The following SELENOO variants were observed in gnomAD, a reference collection of about 807,000 sequenced individuals.
SELENOO encodes selenoprotein O.
In SELENOO, 74 loss-of-function variants were observed where a neutral mutation model predicts 58.7. That is an observed-to-expected ratio of 1.26 (90% CI 1.04 to 1.53). The LOEUF (loss-of-function observed/expected upper bound fraction) is 1.53, where lower values mean the gene tolerates loss of function less well. SELENOO is among the 40% of genes most tolerant of loss of function. The probability of loss-of-function intolerance (pLI) is 0.00; values close to 1 mark genes in which losing one functional copy is unlikely to be tolerated. For synonymous variants in SELENOO, 543 were observed against 453.2 expected, an observed-to-expected ratio of 1.20 and a Z score of -2.52; for missense variants, 1,149 against 970.0, an observed-to-expected ratio of 1.18 and a Z score of -2.45.
At position 50,201,198 on chromosome 22, in the gene SELENOO, C is replaced by T. The variant is rs1019804445; in HGVS notation, c.162C>T (p.Ala54=). 9.2e-6 allele frequency: 11 copies of T among 1,199,212 alleles called. No individual in the cohort carries two copies. The highest frequency in any genetic ancestry group is 3.5e-5 in the East Asian group (1 of 28,528). 74.3% of individuals were successfully genotyped at this position (1,199,212 alleles called of 1,614,324 possible). The change falls in exon 1 of 9, where the codon GCC becomes GCT. Residue 54 remains alanine, a synonymous_variant. Transcript: ENST00000380903. ...WLAGLRFDNR[A]LRALPVEAPP... is the part of the protein sequence containing the mutation. ...CGGGGCTGCGCTTCGACAACCGCGC[C>T]CTGCGCGCCCTGCCCGTGGAGGCGC... is the stretch of plus-strand genomic sequence containing the variant.
chr22:50,215,662 A>G (rs567960085), intron 5 of SELENOO, 55 bp from the exon 6 acceptor site: 3 of 1,276,502 alleles, frequency 2.4e-6, no homozygotes, highest in African/African-American at 1.5e-5. Context: ...GTGTGGCACC[A>G]GGACAGGGAC....
rs889510951 is a variant in SELENOO, at chr22:50,213,664, T to C, written c.1352-2053T>C. On this transcript the variant is annotated intron_variant, in intron 5 of 8. Coordinates refer to ENST00000380903, the MANE Select transcript of SELENOO (RefSeq NM_031454.2). The stretch of plus-strand genomic sequence containing the variant: ...TCTGTCTGGATGGTTTTTTTGTTTT[T>C]TGAGACGGAGTCTTGCTCTGTCACC... Among the ~76,000 whole-genome samples the C allele has an allele frequency of 3.9e-5, 6 of 152,092 alleles. No homozygotes were observed. The South Asian group carries it at 1.2e-3, about 31-fold the overall frequency.
chr22:50,206,488 GGTTGT>G lies in SELENOO; in HGVS notation c.731_735del (p.Val244AlafsTer13). The G allele has an allele frequency of 1.2e-6, 2 of 1,614,038 alleles. No individual in the cohort carries two copies. Among genetic ancestry groups the G allele is most frequent in the Non-Finnish European group, 1.7e-6 (2 of 1,179,956 alleles). ...GTAATCCCAAATATGAACAATGCACGGTTGTGTTGCGTGTAGCTTCCACTTTCATA... is the reference window on the plus strand; with the variant it reads ...GTAATCCCAAATATGAACAATGCACGGTTGCGTGTAGCTTCCACTTTCATA... On this transcript the variant is annotated frameshift_variant, in exon 2 of 9. Transcript: ENST00000380903. LOFTEE classifies it high-confidence loss of function.
chr22:50,214,854 T>A (rs1332432362), intron 5 of SELENOO, among the ~76,000 whole-genome samples: 6 of 152,220 alleles, frequency 3.9e-5, no homozygotes, highest in Non-Finnish European at 7.3e-5. Context: ...ATCCTTTCAC[T>A]TCCAGCCTGT....
chr22:50,217,124 C>CA lies in SELENOO; in HGVS notation c.1842dup (p.Glu615ArgfsTer41). On this transcript the variant is annotated frameshift_variant, in exon 8 of 9. Transcript: ENST00000380903. LOFTEE classifies it low-confidence loss of function (END_TRUNC). Reference sequence around the variant, plus strand: ...GAGGCTGCCGAGCGCGGGGACTTCTCAGAGGCAAGCACACGCCTGTCCCTG... The same window carrying CA: ...GAGGCTGCCGAGCGCGGGGACTTCTCAAGAGGCAAGCACACGCCTGTCCCTG... 1.9e-6 allele frequency: 3 copies of CA among 1,612,818 alleles called. No homozygotes were observed. Among genetic ancestry groups the CA allele is most frequent in the Non-Finnish European group, 1.7e-6 (2 of 1,179,768 alleles).
chr22:50,208,190 G>A lies in SELENOO; in HGVS notation c.759-346G>A, dbSNP rs979305164. Among the ~76,000 whole-genome samples the A allele has an allele frequency of 2.6e-5, 4 of 152,274 alleles. No homozygotes were observed. The South Asian group carries it at 8.3e-4, about 32-fold the overall frequency. On this transcript the variant is annotated intron_variant, in intron 2 of 8. Transcript: ENST00000380903. ...CTCACGCCTGTAATCCCAGCACTTT[G>A]GGAGGCCGAGGCGGGTGGATCACGA... is the stretch of plus-strand genomic sequence containing the variant.
chr22:50,217,349 T>C lies in SELENOO; in HGVS notation c.1990T>C (p.Cys664Arg), dbSNP rs778019495. 56 of 1,612,670 alleles carry C rather than the reference T, an allele frequency of 3.5e-5. No homozygotes were observed. The highest frequency in any genetic ancestry group is 5.0e-5 in the Admixed American group (3 of 59,914). ...GCCCCCGCTCTGGGCAGCAGAACTG[T>C]GCGTGACATGATCTTCGTAACGGCC... ...SKPPLWAAEL[C>R]VTUSS Residue 664 changes from cysteine to arginine, a missense_variant, in exon 9 of 9, where the codon TGC becomes CGC. Transcript: ENST00000380903.
Position 50,204,098 on chromosome 22 carries a change from G to A in SELENOO, c.555-2219G>A, listed in dbSNP as rs75209016. ...TTTATAACATGAGAAGACGCTCAAC[G>A]TCATCAATCATTAGGGAAATGCAAA... On this transcript the variant is annotated intron_variant, in intron 1 of 8. Transcript: ENST00000380903. Among the ~76,000 whole-genome samples the A allele has an allele frequency of 5.3e-3, 812 of 152,286 alleles. 9 individuals carry two copies. Among genetic ancestry groups the A allele is most frequent in the African/African-American group, 0.018 (750 of 41,552 alleles).
chr22:50,203,656 A>ATCCTCATGCAAAAGAATGAAGCTGGG (rs2064315587), intron 1 of SELENOO, among the ~76,000 whole-genome samples: 2 of 152,230 alleles, frequency 1.3e-5, no homozygotes, highest in African/African-American at 4.8e-5. Context: ...GGAAAACTGG[A>ATCCTCATGCAAAAGAATGAAGCTGGG]TCCTCATGCA....
Position 50,206,017 on chromosome 22 carries a change from C to T in SELENOO, c.555-300C>T, listed in dbSNP as rs558191236. ...AGGCCCTTTGTCCCCACTGTGCAGT[C>T]ACACAGTCCTGGCTTCTGCTGCGGA... On this transcript the variant is annotated intron_variant, in intron 1 of 8. Transcript: ENST00000380903. 12 of 464,134 alleles carry T rather than the reference C, an allele frequency of 2.6e-5. No individual in the cohort carries two copies. In the South Asian group the frequency reaches 2.6e-4, roughly 10 times the overall value. 28.8% of individuals were successfully genotyped at this position (464,134 alleles called of 1,614,324 possible).
chr22:50,201,974 G>C (rs867052949), intron 1 of SELENOO, among the ~76,000 whole-genome samples: 1 of 152,206 alleles, frequency 6.6e-6, no homozygotes, highest in Admixed American at 6.5e-5. Flanking sequence ...GCCTGGCCCT[G>C]ACTTCCCTGC....
At chr22:50,213,836 G>C (rs2064388231) in intron 5 of SELENOO, among the ~76,000 whole-genome samples, 2 of 151,824 alleles carry the variant, frequency 1.3e-5, no homozygotes, top group Non-Finnish European at 2.9e-5. Flanking sequence ...TTTTAGTAGA[G>C]ACGGGGTTTC....
At chr22:50,201,811 C>A (rs903359301) in intron 1 of SELENOO, among the ~76,000 whole-genome samples, 1 of 152,248 alleles carries the variant, frequency 6.6e-6, no homozygotes. Flanking sequence ...TGTTTACCGA[C>A]GTTCGCTGGG....
chr22:50,217,016 CCTGGCAGG>C lies in SELENOO; in HGVS notation c.1737_1744del (p.Trp579Ter), dbSNP rs1410499425. The C allele has an allele frequency of 6.2e-7, 1 of 1,611,700 alleles. No individual in the cohort carries two copies. Among genetic ancestry groups the C allele is most frequent in the Admixed American group, 1.7e-5 (1 of 60,010 alleles). On this transcript the variant is annotated frameshift_variant, in exon 8 of 9. Coordinates refer to ENST00000380903, the MANE Select transcript of SELENOO (RefSeq NM_031454.2). LOFTEE classifies it high-confidence loss of function. ...CTGGAAGGCGCTGGGGACGCTGCCG[CCTGGCAGG>C]CTGAGCACGTGCGCGTGATGCACGC... is the stretch of plus-strand genomic sequence containing the variant.
chr22:50,210,267 C>T lies in SELENOO; in HGVS notation c.1026C>T (p.Ile342=), dbSNP rs918841644. The change falls in exon 4 of 9, where the codon ATC becomes ATT. Residue 342 remains isoleucine, a synonymous_variant. Transcript: ENST00000380903. ...HGVLNTDNMS[I]LGLTIDYGPF... is the part of the protein sequence containing the mutation. ...TGCTCAACACCGACAACATGAGCAT[C>T]CTGGGGCTCACCATCGACTACGGGC... 6.2e-6 allele frequency: 10 copies of T among 1,613,350 alleles called. No individual in the cohort carries two copies. Among genetic ancestry groups the T allele is most frequent in the Admixed American group, 1.7e-5 (1 of 59,994 alleles).
At chr22:50,216,409 G>A (rs996872253) in intron 6 of SELENOO, among the ~76,000 whole-genome samples, 21 of 152,260 alleles carry the variant, frequency 1.4e-4, no homozygotes, top group Admixed American at 1.2e-3. Context: ...CATCCCACAA[G>A]CATTAAACTC....
In SELENOO at chr22:50,217,112, G is replaced by C; in HGVS notation, c.1829G>C (p.Arg610Pro). Residue 610 changes from arginine to proline, a missense_variant, in exon 8 of 9, where the codon CGC becomes CCC. Coordinates refer to ENST00000380903, the MANE Select transcript of SELENOO (RefSeq NM_031454.2). The part of the protein sequence containing the change: ...IAQNAIEAAE[R>P]GDFSEVRRVL... ...CAGAATGCCATCGAGGCTGCCGAGC[G>C]CGGGGACTTCTCAGAGGCAAGCACA... The C allele has an allele frequency of 1.2e-6, 2 of 1,612,948 alleles. No individual in the cohort carries two copies. The highest frequency in any genetic ancestry group is 1.1e-5 in the South Asian group (1 of 91,076).
intron 1 of SELENOO, among the ~76,000 whole-genome samples, chr22:50,203,452 C>T (rs2064314769): frequency 6.6e-6 from 1 of 152,216 alleles, no homozygotes. Flanking sequence ...TTGGAGGACT[C>T]ATGCTTCCTG....
chr22:50,216,672 C>T lies in SELENOO; in HGVS notation c.1503-19C>T, dbSNP rs371535475. Reference sequence around the variant, plus strand: ...ACACGGTCAGGGGCTACCTCCCAGACACCCTGGCCTCTCCACAGGCAGCTA... The same window carrying T: ...ACACGGTCAGGGGCTACCTCCCAGATACCCTGGCCTCTCCACAGGCAGCTA... On this transcript the variant is annotated intron_variant, in intron 6 of 8. Coordinates refer to ENST00000380903, the MANE Select transcript of SELENOO (RefSeq NM_031454.2). 8 of 1,566,716 alleles carry T rather than the reference C, an allele frequency of 5.1e-6. No individual in the cohort carries two copies. The highest frequency in any genetic ancestry group is 1.4e-5 in the African/African-American group (1 of 73,772).
Sources: allele counts gnomAD v4.1 joint callset (sites outside exome capture counted in the v4.1 genomes callset), GRCh38; gene constraint gnomAD v4.1.1; transcripts MANE v1.5; gene names NCBI Gene and HGNC (gene_info 2026-07-23, HGNC 2026-07-21).